Variants in MECOM observed in about 807,000 individuals in gnomAD.
MECOM encodes the protein histone-lysine N-methyltransferase MECOM.
MECOM carries 13 observed loss-of-function variants against 116.3 expected under a neutral mutation model. The observed-to-expected ratio is 0.11, with a 90% CI of 0.07 to 0.18. MECOM has a LOEUF of 0.18. Among genes scored for constraint, MECOM ranks in the 10% least tolerant of loss-of-function variants. The probability of loss-of-function intolerance (pLI) is 1.00; values close to 1 mark genes in which losing one functional copy is unlikely to be tolerated. For missense variants in MECOM, 1,299 were observed against 1,509.0 expected, an observed-to-expected ratio of 0.86 and a Z score of 2.31; for synonymous variants, 528 against 535.2, an observed-to-expected ratio of 0.99 and a Z score of 0.19.
intron 2 of MECOM, among the ~76,000 whole-genome samples, chr3:169,312,193 C>T (rs954672700): frequency 4.6e-5 from 7 of 152,170 alleles, no homozygotes; most frequent in African/African-American, 1.4e-4. Flanking sequence ...GGAGACCAAC[C>T]AAGTATAGTA....
intron 1 of MECOM, among the ~76,000 whole-genome samples, chr3:169,390,133 C>T (rs1733993430): frequency 6.6e-6 from 1 of 152,124 alleles, no homozygotes; most frequent in South Asian, 2.1e-4. Flanking sequence ...TGCTTGGGGT[C>T]TCTGTTTCCC....
chr3:169,617,015 G>A (rs906722703), intron 1 of MECOM, among the ~76,000 whole-genome samples: 1 of 152,160 alleles, frequency 6.6e-6, no homozygotes, highest in Non-Finnish European at 1.5e-5. Context: ...GAAAGTTTGT[G>A]ACACAACAGA....
Position 169,379,057 on chromosome 3 carries a change from G to A in MECOM, c.375+2130C>T, listed in dbSNP as rs573093134. 3.9e-3 allele frequency among the ~76,000 whole-genome samples: 591 copies of A among 151,646 alleles called. 2 individuals carry two copies. Among genetic ancestry groups the A allele is most frequent in the Non-Finnish European group, 6.4e-3 (436 of 67,850 alleles). ...TAGAGTTGAGAAAAAGATGACATGGGGACAAATAAAAGTCATCCGGCAGGG... is the reference window on the plus strand; with the variant it reads ...TAGAGTTGAGAAAAAGATGACATGGAGACAAATAAAAGTCATCCGGCAGGG... On this transcript the variant is annotated intron_variant, in intron 2 of 16. Coordinates refer to ENST00000651503, the MANE Select transcript of MECOM (RefSeq NM_004991.4).
At chr3:169,145,909 T>C (rs1013769600) in intron 2 of MECOM, 1 of 216,106 alleles carries the variant, frequency 4.6e-6, no homozygotes, top group Non-Finnish European at 9.3e-6. Context: ...CACCATCATA[T>C]TAACATTCTT....
chr3:169,203,273 C>G (rs1345248847), intron 2 of MECOM, among the ~76,000 whole-genome samples: 2 of 152,068 alleles, frequency 1.3e-5, no homozygotes, highest in Non-Finnish European at 2.9e-5. Flanking sequence ...CTGTGGGACT[C>G]CCTCGGCTAA....
intron 1 of MECOM, among the ~76,000 whole-genome samples, chr3:169,479,652 T>TAAAA (rs3042768): frequency 7.9e-6 from 1 of 126,672 alleles, no homozygotes; most frequent in African/African-American, 2.8e-5. Context: ...TTCTCTTACC[T>TAAAA]AAAAAAAAAA....
intron 1 of MECOM, among the ~76,000 whole-genome samples, chr3:169,648,292 C>A (rs1774432190): frequency 6.6e-6 from 1 of 152,172 alleles, no homozygotes; most frequent in Admixed American, 6.5e-5. Flanking sequence ...ATTACCATAA[C>A]TTGAGGGCAG....
intron 2 of MECOM, among the ~76,000 whole-genome samples, chr3:169,321,363 A>C (rs543425415): frequency 1.6e-4 from 24 of 152,062 alleles, no homozygotes; most frequent in Non-Finnish European, 2.9e-4. Context: ...AACACAGTGA[A>C]ACCCAGTCTC....
chr3:169,376,990 A>G (rs1166832231), intron 2 of MECOM, among the ~76,000 whole-genome samples: 2 of 152,154 alleles, frequency 1.3e-5, no homozygotes, highest in Non-Finnish European at 2.9e-5. Context: ...AAGTAGACCA[A>G]TAGAACAGAA....
intron 2 of MECOM, among the ~76,000 whole-genome samples, chr3:169,378,436 A>C (rs1004413033): frequency 1.2e-5 from 1 of 82,334 alleles, no homozygotes; most frequent in African/African-American, 8.2e-5. Context: ...AAAGAAAGAA[A>C]GAAAGAAAGA....
intron 1 of MECOM, among the ~76,000 whole-genome samples, chr3:169,437,437 G>A (rs1742844499): frequency 6.6e-6 from 1 of 152,170 alleles, no homozygotes; most frequent in Admixed American, 6.5e-5. Flanking sequence ...CATAAGAAGA[G>A]AAAAGTTTAA....
intron 1 of MECOM, among the ~76,000 whole-genome samples, chr3:169,387,829 A>G (rs973578619): frequency 6.6e-6 from 1 of 152,148 alleles, no homozygotes; most frequent in African/African-American, 2.4e-5. Context: ...GGTTGAGATC[A>G]TAACTACATG....
intron 1 of MECOM, among the ~76,000 whole-genome samples, chr3:169,517,686 A>C (rs1211058997): frequency 6.6e-6 from 1 of 152,224 alleles, no homozygotes. Context: ...CCTAAGCCAG[A>C]ATTGATGGCA....
chr3:169,231,320 C>A (rs1444956140), intron 2 of MECOM, among the ~76,000 whole-genome samples: 1 of 152,054 alleles, frequency 6.6e-6, no homozygotes, highest in Non-Finnish European at 1.5e-5. Flanking sequence ...AGACACCAGG[C>A]TAAATACTGG....
Position 169,151,656 on chromosome 3 carries a change from G to A in MECOM, c.376-7824C>T, listed in dbSNP as rs537079299. 6.6e-5 allele frequency among the ~76,000 whole-genome samples: 10 copies of A among 152,322 alleles called. No homozygotes were observed. The East Asian group carries it at 1.7e-3, about 26-fold the overall frequency. The stretch of plus-strand genomic sequence containing the variant: ...ATTGACATTTGGCTGAACAATAAGT[G>A]CCTGCTAATTAAATTAGCTTCGTGT... On this transcript the variant is annotated intron_variant, in intron 2 of 16. Transcript: ENST00000651503.
intron 2 of MECOM, among the ~76,000 whole-genome samples, chr3:169,168,664 G>A (rs1743971152): frequency 1.3e-5 from 2 of 151,822 alleles, no homozygotes; most frequent in Admixed American, 6.6e-5. Flanking sequence ...CACTTTGTTA[G>A]ATTCTTGGTC....
At chr3:169,604,438 T>C (rs1577075027) in intron 1 of MECOM, among the ~76,000 whole-genome samples, 1 of 85,786 alleles carries the variant, frequency 1.2e-5, no homozygotes, top group Non-Finnish European at 3.2e-5. Context: ...CATGCCCTTG[T>C]TAATGATGGG....
intron 2 of MECOM, among the ~76,000 whole-genome samples, chr3:169,250,604 G>A (rs184523024): frequency 6.9e-4 from 105 of 152,150 alleles, no homozygotes; most frequent in South Asian, 3.1e-3. Context: ...TCAACTCTCC[G>A]TTATTGTAGG....
rs370609194 is a variant in MECOM, at chr3:169,084,908, G to A, written c.*1C>T. On this transcript the variant is annotated 3_prime_UTR_variant, in exon 17 of 17. Coordinates refer to ENST00000651503, the MANE Select transcript of MECOM (RefSeq NM_004991.4). Reference sequence around the variant, plus strand: ...TCCCACTCTGGTCAACCTTGATAACGTCATACGTGGCTTATGGACTGGATA... The same window carrying A: ...TCCCACTCTGGTCAACCTTGATAACATCATACGTGGCTTATGGACTGGATA... 6.4e-5 allele frequency: 104 copies of A among 1,613,948 alleles called. No homozygotes were observed. The highest frequency in any genetic ancestry group is 1.2e-4 in the African/African-American group (9 of 75,002).
Sources: allele counts gnomAD v4.1 joint callset (sites outside exome capture counted in the v4.1 genomes callset), GRCh38; gene constraint gnomAD v4.1.1; transcripts MANE v1.5; gene names NCBI Gene and HGNC (gene_info 2026-07-23, HGNC 2026-07-21).